CCDC138: variants seen among roughly 807,000 people sequenced by gnomAD.
CCDC138 encodes the protein coiled-coil domain-containing protein 138.
A neutral mutation model predicts 82.3 loss-of-function variants in CCDC138; 66 were observed. The ratio of observed to expected loss-of-function variants is 0.80; its 90% CI spans 0.66 to 0.98. CCDC138 has a LOEUF of 0.98. Among genes scored for constraint, CCDC138 ranks in the 50% least tolerant of loss-of-function variants. The pLI, the probability that CCDC138 is intolerant of heterozygous loss-of-function variation, is 0.00. For synonymous variants in CCDC138, 297 were observed against 265.4 expected (o/e 1.12, Z -1.16); for missense variants, 816 against 758.9 (o/e 1.08, Z -0.88).
intron 14 of CCDC138, 140 bp downstream of exon 14, chr2:108,873,729 A>G (rs1160400626): frequency 3.5e-6 from 2 of 564,398 alleles, no homozygotes; most frequent in Admixed American, 6.5e-5. Flanking sequence ...AAAATACGCT[A>G]ACACTAACGA....
chr2:108,814,640 GT>G (rs1435667854), intron 9 of CCDC138, among the ~76,000 whole-genome samples: 3 of 148,428 alleles, frequency 2.0e-5, no homozygotes, highest in African/African-American at 7.4e-5. Flanking sequence ...GAATTTTTTT[GT>G]TTTTTTATTT....
intron 11 of CCDC138, among the ~76,000 whole-genome samples, chr2:108,840,115 G>A (rs1255318140): frequency 6.6e-6 from 1 of 151,942 alleles, no homozygotes; most frequent in Non-Finnish European, 1.5e-5. Context: ...ATTGATACAT[G>A]TTCTTTTTCA....
chr2:108,871,066 T>C (rs1018144260), intron 13 of CCDC138, among the ~76,000 whole-genome samples: 1 of 152,216 alleles, frequency 6.6e-6, no homozygotes, highest in East Asian at 1.9e-4. Flanking sequence ...TCATTAATGT[T>C]AGGTGAACAT....
chr2:108,816,224 G>A, intron 10 of CCDC138, 119 bp downstream of exon 10: 1 of 706,348 alleles, frequency 1.4e-6, no homozygotes, highest in East Asian at 2.9e-5. Context: ...TTCGAGCTGG[G>A]CAGATCACCT....
chr2:108,821,242 C>T (rs752511141), intron 10 of CCDC138, among the ~76,000 whole-genome samples: 1 of 152,084 alleles, frequency 6.6e-6, no homozygotes, highest in Non-Finnish European at 1.5e-5. Flanking sequence ...CCTGTAATCC[C>T]AGCTACTTTT....
At chr2:108,795,150 A>ATTTTTTTTTTTTTT (rs11458525) in intron 5 of CCDC138, among the ~76,000 whole-genome samples, 1 of 85,012 alleles carries the variant, frequency 1.2e-5, no homozygotes, top group Non-Finnish European at 2.1e-5. Context: ...TCTAAAGTGT[A>ATTTTTTTTTTTTTT]TTTTTTTTTT....
Position 108,846,843 on chromosome 2 carries a change from A to G in CCDC138, c.1429A>G (p.Lys477Glu), listed in dbSNP as rs1461568980. The change falls in exon 12 of 15, where the codon AAA becomes GAA. Residue 477 changes from lysine to glutamate, a missense_variant. Transcript: ENST00000295124. ...TTCTCCACAGCATTCTGTGGAGAAT[A>G]AACCAAAGACAGCTGCTTTCTTTAA... ...DNSPQHSVEN[K>E]PKTAAFFKSS... 2 of 1,613,440 alleles carry G rather than the reference A, an allele frequency of 1.2e-6. No homozygotes were observed. The highest frequency in any genetic ancestry group is 1.1e-5 in the South Asian group (1 of 91,050).
intron 1 of CCDC138, among the ~76,000 whole-genome samples, chr2:108,787,296 C>T (rs1291319048): frequency 6.6e-6 from 1 of 152,148 alleles, no homozygotes; most frequent in Admixed American, 6.5e-5. Context: ...ACCAAGAATT[C>T]CCTTGTACCC....
chr2:108,881,569 G>A (rs1440284005), downstream of CCDC138, among the ~76,000 whole-genome samples: 9 of 152,148 alleles, frequency 5.9e-5, no homozygotes, highest in Admixed American at 5.9e-4. Context: ...AGCTTTTCTT[G>A]GCTTTGGACA....
chr2:108,795,317 G>C (rs1680694979), intron 5 of CCDC138, among the ~76,000 whole-genome samples: 1 of 151,898 alleles, frequency 6.6e-6, no homozygotes, highest in East Asian at 1.9e-4. Context: ...ATCCCGCCCA[G>C]CCAATTTTTT....
chr2:108,883,385 G>A (rs1476075050), intron 2 of CCDC138: 1 of 152,328 alleles, frequency 6.6e-6, no homozygotes, highest in African/African-American at 2.4e-5. Context: ...GGGGCCATGT[G>A]CTTTTCAGAC....
Position 108,794,561 on chromosome 2 carries a change from C to G in CCDC138, c.416C>G (p.Thr139Ser). The change falls in exon 5 of 15, where the codon ACC becomes AGC. Residue 139 changes from threonine to serine, a missense_variant. By Grantham distance (58) the Thr-to-Ser change is moderately conservative (BLOSUM62 1). Transcript: ENST00000295124. ...IEKVALPTNTTSSRPRTECCS... is the reference protein window; with the variant it reads ...IEKVALPTNTSSSRPRTECCS... Reference sequence around the variant, plus strand: ...GCAGTTGCCTTGCCAACTAATACGACCTCATCGAGACCTCGGACTGAGTGT... The same window carrying G: ...GCAGTTGCCTTGCCAACTAATACGAGCTCATCGAGACCTCGGACTGAGTGT... 6.2e-7 allele frequency: 1 copy of G among 1,611,220 alleles called. No homozygotes were observed. The highest frequency in any genetic ancestry group is 1.1e-5 in the South Asian group (1 of 90,564).
chr2:108,845,961 T>G (rs552597894), intron 11 of CCDC138, among the ~76,000 whole-genome samples: 3 of 152,352 alleles, frequency 2.0e-5, no homozygotes, highest in African/African-American at 7.2e-5. Context: ...TTTGCCCATT[T>G]TTTTTTGTTT....
At position 108,821,465 on chromosome 2, in the gene CCDC138, C is replaced by T. The variant is rs1347787556; in HGVS notation, c.1206+5360C>T. Among the ~76,000 whole-genome samples, 3 of 152,172 alleles carry T rather than the reference C, an allele frequency of 2.0e-5. No homozygotes were observed. In the East Asian group the frequency reaches 5.8e-4, roughly 29 times the overall value. On this transcript the variant is annotated intron_variant, in intron 10 of 14. Coordinates refer to ENST00000295124, the MANE Select transcript of CCDC138 (RefSeq NM_144978.3). ...CATTATTGATGTAAAATAGTTATAA[C>T]TTTAAGATGTTTTATGTAATTGATT... is the stretch of plus-strand genomic sequence containing the variant.
intron 13 of CCDC138, among the ~76,000 whole-genome samples, chr2:108,862,077 G>GTTTTTTTTTTTTTT (rs71383810): frequency 7.1e-6 from 1 of 141,384 alleles, no homozygotes. Flanking sequence ...TATGATTTCA[G>GTTTTTTTTTTTTTT]TTTTTTTTTT....
chr2:108,829,351 G>A (rs1422133827), intron 10 of CCDC138, among the ~76,000 whole-genome samples: 1 of 152,124 alleles, frequency 6.6e-6, no homozygotes, highest in Non-Finnish European at 1.5e-5. Context: ...TTTCTCCAAA[G>A]ATAAAGAAAT....
chr2:108,885,076 A>G (rs925688147), intron 2 of CCDC138: 6 of 152,242 alleles, frequency 3.9e-5, no homozygotes, highest in Middle Eastern at 3.2e-3. Context: ...AGCTCATGTA[A>G]TTACTAATCA....
chr2:108,813,059 C>A (rs1457893940), intron 9 of CCDC138, 132 bp downstream of exon 9: 5 of 635,228 alleles, frequency 7.9e-6, no homozygotes, highest in Non-Finnish European at 8.0e-6. Flanking sequence ...ACCATCCTGG[C>A]CAACATGGTG....
downstream of CCDC138, among the ~76,000 whole-genome samples, chr2:108,880,225 A>AAAC (rs1399581068): frequency 0.013 from 34 of 2,690 alleles, no homozygotes; most frequent in African/African-American, 0.12. Context: ...AAAAACAAAC[A>AAAC]AAAAAAAAAA....
Sources: allele counts gnomAD v4.1 joint callset (sites outside exome capture counted in the v4.1 genomes callset), GRCh38; gene constraint gnomAD v4.1.1; transcripts MANE v1.5; gene names NCBI Gene and HGNC (gene_info 2026-07-23, HGNC 2026-07-21).